The following ACCSL variants were observed in gnomAD, a reference collection of about 807,000 sequenced individuals.
ACCSL encodes probable inactive 1-aminocyclopropane-1-carboxylate synthase-like protein 2.
A neutral mutation model predicts 61.7 loss-of-function variants in ACCSL; 55 were observed. That is an observed-to-expected ratio of 0.89 (90% CI 0.72 to 1.12). ACCSL has a LOEUF of 1.12. Among genes scored for constraint, ACCSL ranks in the 50% most tolerant of loss-of-function variants. ACCSL has a pLI of 0.00. For missense variants in ACCSL, 632 were observed against 698.0 expected, an observed-to-expected ratio of 0.91 and a Z score of 1.07; for synonymous variants, 258 against 264.3, an observed-to-expected ratio of 0.98 and a Z score of 0.23.
At chr11:44,013,733 C>G in the ACCSL span, among the ~76,000 whole-genome samples, 2 of 117,508 alleles carry the variant, frequency 1.7e-5, no homozygotes, top group African/African-American at 6.5e-5. Context: ...CACCACCACC[C>G]TGCAAACCTA....
At chr11:43,954,057 C>G in the ACCSL span, among the ~76,000 whole-genome samples, 2 of 152,076 alleles carry the variant, frequency 1.3e-5, no homozygotes, top group South Asian at 4.1e-4. Context: ...ACTTGTCGTG[C>G]AGTTTCTATG....
chr11:43,940,798 C>T, the ACCSL span, among the ~76,000 whole-genome samples: 15 of 151,946 alleles, frequency 9.9e-5, no homozygotes, highest in East Asian at 5.8e-4. Flanking sequence ...CTTGCCTTAG[C>T]GTCTTTGCAC....
At chr11:44,049,419 CAAAAAAAAAAAAAAAAA>C (rs33944147) in intron 1 of ACCSL, among the ~76,000 whole-genome samples, 3 of 33,916 alleles carry the variant, frequency 8.8e-5, no homozygotes, top group Non-Finnish European at 1.1e-4. Context: ...GACCCTGTCT[CAAAAAAAAAAAAAAAAA>C]AAAAAAAAAG....
chr11:43,935,965 C>T, the ACCSL span, among the ~76,000 whole-genome samples: 1 of 152,170 alleles, frequency 6.6e-6, no homozygotes, highest in Non-Finnish European at 1.5e-5. Flanking sequence ...GCTCTGAGCC[C>T]CTGCAAACCC....
chr11:43,957,499 G>C, the ACCSL span, among the ~76,000 whole-genome samples: 6 of 152,158 alleles, frequency 3.9e-5, no homozygotes, highest in Non-Finnish European at 8.8e-5. Context: ...AGAGGGAATA[G>C]ATGGTAAATG....
intron 7 of ACCSL, 27 bp from the exon 8 acceptor site, chr11:44,053,379 A>C (rs374762382): frequency 2.5e-6 from 4 of 1,601,020 alleles, no homozygotes; most frequent in Non-Finnish European, 3.4e-6. Flanking sequence ...ACTTGTATTC[A>C]CTCAGTTATA....
the ACCSL span, among the ~76,000 whole-genome samples, chr11:44,018,122 G>A: frequency 0.15 from 22,125 of 152,096 alleles, 1,793 homozygotes; most frequent in East Asian, 0.29. Context: ...GTATTTGGGC[G>A]TCTGTCTGTC....
chr11:43,961,479 T>C, the ACCSL span, among the ~76,000 whole-genome samples: 1 of 152,224 alleles, frequency 6.6e-6, no homozygotes, highest in African/African-American at 2.4e-5. Flanking sequence ...GTGCTATTTC[T>C]AGACCTAGGT....
the ACCSL span, among the ~76,000 whole-genome samples, chr11:43,985,264 G>A: frequency 6.6e-6 from 1 of 152,216 alleles, no homozygotes; most frequent in Non-Finnish European, 1.5e-5. Context: ...GAGAAGGGAA[G>A]TGTACCTCCA....
At chr11:44,052,522 C>A in intron 5 of ACCSL, 140 bp from the exon 6 acceptor site, 3 of 722,500 alleles carry the variant, frequency 4.2e-6, no homozygotes, top group Non-Finnish European at 7.3e-6. Flanking sequence ...GCACCTGAAC[C>A]TAAGAACATT....
the ACCSL span, among the ~76,000 whole-genome samples, chr11:43,942,035 CGT>C: frequency 0.17 from 15,004 of 89,208 alleles, 865 homozygotes; most frequent in Middle Eastern, 0.32. Context: ...TGCATTCGTG[CGT>C]GTGTGTGTGT....
chr11:44,053,543 T>C (rs1243810319), intron 8 of ACCSL, 37 bp downstream of exon 8: 9 of 1,562,468 alleles, frequency 5.8e-6, no homozygotes, highest in Admixed American at 1.7e-5. Flanking sequence ...GTAATGTTTC[T>C]TGAAAGGATT....
the ACCSL span, among the ~76,000 whole-genome samples, chr11:44,005,187 C>G: frequency 6.6e-6 from 1 of 152,162 alleles, no homozygotes; most frequent in East Asian, 1.9e-4. Context: ...CTCCACCCCT[C>G]GACAAGAGTC....
chr11:44,017,787 G>T, the ACCSL span, among the ~76,000 whole-genome samples: 6 of 152,022 alleles, frequency 3.9e-5, no homozygotes, highest in African/African-American at 1.4e-4. Flanking sequence ...GTGTAACCCT[G>T]GGCTTGATCA....
At chr11:43,935,393 G>T in the ACCSL span, among the ~76,000 whole-genome samples, 2 of 152,218 alleles carry the variant, frequency 1.3e-5, no homozygotes, top group Non-Finnish European at 2.9e-5. Flanking sequence ...CCATAGGATG[G>T]GGTGGTGCAA....
At chr11:43,982,089 A>G in the ACCSL span, among the ~76,000 whole-genome samples, 1,456 of 152,200 alleles carry the variant, frequency 9.6e-3, 25 homozygotes, top group African/African-American at 0.033. Context: ...GACAGAGCCC[A>G]AGCCTCACCC....
the ACCSL span, among the ~76,000 whole-genome samples, chr11:43,947,479 C>G: frequency 6.6e-6 from 1 of 151,496 alleles, no homozygotes; most frequent in Non-Finnish European, 1.5e-5. Flanking sequence ...AGGCTGGGGC[C>G]GGCTGGGCTG....
chr11:44,053,502 A>C lies in ACCSL; in HGVS notation c.1045A>C (p.Lys349Gln). 1 of 1,613,420 alleles carries C rather than the reference A, an allele frequency of 6.2e-7. No homozygotes were observed. The highest frequency in any genetic ancestry group is 8.5e-7 in the Non-Finnish European group (1 of 1,179,344). The change falls in exon 8 of 14, where the codon AAG (lysine) becomes CAG (glutamine). Residue 349 changes from lysine (K) to glutamine (Q), a missense_variant. Physicochemically the swap from Lys to Gln is moderately conservative, Grantham distance 53. Coordinates refer to ENST00000378832, the MANE Select transcript of ACCSL (RefSeq NM_001031854.2). ...ACTGATGAAATACCTGGAATTTGCCAAGAGGTATGAGTTCTACCCCTTGAG... is the reference window on the plus strand; with the variant it reads ...ACTGATGAAATACCTGGAATTTGCCCAGAGGTATGAGTTCTACCCCTTGAG... ...DSLMKYLEFA[K>Q]RYNLHVIIDE...
chr11:44,026,886 C>T, the ACCSL span, among the ~76,000 whole-genome samples: 10 of 152,118 alleles, frequency 6.6e-5, no homozygotes, highest in East Asian at 1.9e-4. Context: ...TGTGCTACTA[C>T]GCCTGGCTAA....
Sources: allele counts gnomAD v4.1 joint callset (sites outside exome capture counted in the v4.1 genomes callset), GRCh38; gene constraint gnomAD v4.1.1; transcripts MANE v1.5; gene names NCBI Gene and HGNC (gene_info 2026-07-23, HGNC 2026-07-21).